NMT2: variants seen among roughly 807,000 people sequenced by gnomAD.
NMT2 encodes N-myristoyltransferase 2.
In NMT2, 35 loss-of-function variants were observed where a neutral mutation model predicts 65.4. That is an observed-to-expected ratio of 0.54 (90% confidence interval 0.41 to 0.71). The LOEUF (loss-of-function observed/expected upper bound fraction) is 0.71, where lower values mean the gene tolerates loss of function less well. NMT2 is among the 30% of genes least tolerant of loss of function. NMT2 has a pLI of 0.00. For missense variants in NMT2, 489 were observed against 611.3 expected (o/e 0.80, Z 2.11); for synonymous variants, 226 against 231.8 (o/e 0.98, Z 0.23).
At chr10:15,141,397 G>A in intron 2 of NMT2, 25 bp downstream of exon 2, 1 of 1,613,070 alleles carries the variant, frequency 6.2e-7, no homozygotes, top group South Asian at 1.1e-5. Flanking sequence ...ACCACACAGA[G>A]GAAAAAATAA....
At position 15,143,126 on chromosome 10, in the gene NMT2, G is replaced by A. The variant is rs559303620; in HGVS notation, c.111-1569C>T. Among the ~76,000 whole-genome samples the A allele has an allele frequency of 1.4e-4, 22 of 152,302 alleles. No individual in the cohort carries two copies. The South Asian group carries it at 4.3e-3, about 30-fold the overall frequency. On this transcript the variant is annotated intron_variant, in intron 1 of 11. Coordinates refer to ENST00000378165, the MANE Select transcript of NMT2 (RefSeq NM_004808.3). ...GGATAAGTCTGGCTCTAGAGGTGGT[G>A]CCATCACATATTCCCAGGCCATAAA...
At chr10:15,139,862 A>AATATAT (rs1166223058) in intron 2 of NMT2, 3 of 73,316 alleles carry the variant, frequency 4.1e-5, no homozygotes, top group African/African-American at 1.4e-4. Flanking sequence ...GGTAACAACT[A>AATATAT]CTATATATAT....
At chr10:15,109,332 T>A in intron 11 of NMT2, 117 bp from the exon 12 acceptor site, 1 of 1,303,160 alleles carries the variant, frequency 7.7e-7, no homozygotes, top group Non-Finnish European at 1.0e-6. Flanking sequence ...CCCGGCACTT[T>A]GGGAGGCCAA....
chr10:15,138,004 C>CTTTTTTT (rs374744946), intron 2 of NMT2, among the ~76,000 whole-genome samples: 135 of 128,098 alleles, frequency 1.1e-3, no homozygotes, highest in Middle Eastern at 4.2e-3. Context: ...TCTTCTTCTT[C>CTTTTTTT]TTTTTTTTTT....
intron 1 of NMT2, among the ~76,000 whole-genome samples, chr10:15,165,809 C>T (rs1464250143): frequency 1.4e-5 from 2 of 146,758 alleles, no homozygotes; most frequent in African/African-American, 2.6e-5. Flanking sequence ...ATCCAGGAGG[C>T]GGAGGTTGCA....
chr10:15,146,785 A>G lies in NMT2; in HGVS notation c.111-5228T>C, dbSNP rs192971365. Among the ~76,000 whole-genome samples, 453 of 152,194 alleles carry G rather than the reference A, an allele frequency of 3.0e-3. 2 individuals carry two copies. Among genetic ancestry groups the G allele is most frequent in the Non-Finnish European group, 4.9e-3 (332 of 67,992 alleles). ...ACAGCAGCCCAGTCTCATACAACTA[A>G]CACATCAATCTTAAGAGTGACATCG... On this transcript the variant is annotated intron_variant, in intron 1 of 11. Coordinates refer to ENST00000378165, the MANE Select transcript of NMT2 (RefSeq NM_004808.3).
In NMT2 at chr10:15,107,072, G is replaced by A. The variant is rs956273567; in HGVS notation, c.*2123C>T. On this transcript the variant is annotated 3_prime_UTR_variant, in exon 12 of 12. Coordinates refer to ENST00000378165, the MANE Select transcript of NMT2 (RefSeq NM_004808.3). ...GCAGTGAGCTGTTGACTGTGCCACT[G>A]TATTCTAGCCTGGACAATAGAGTGA... Among the ~76,000 whole-genome samples, 4 of 145,726 alleles carry A rather than the reference G, an allele frequency of 2.7e-5. No homozygotes were observed. Among genetic ancestry groups the A allele is most frequent in the Admixed American group, 7.1e-5 (1 of 14,110 alleles).
intron 1 of NMT2, among the ~76,000 whole-genome samples, chr10:15,160,575 G>A (rs1330857993): frequency 6.6e-6 from 1 of 151,998 alleles, no homozygotes; most frequent in Non-Finnish European, 1.5e-5. Context: ...AGGAGTTCGA[G>A]ACCAGCCGGC....
intron 9 of NMT2, among the ~76,000 whole-genome samples, chr10:15,116,271 G>A (rs75801662): frequency 3.3e-5 from 5 of 152,044 alleles, no homozygotes; most frequent in Non-Finnish European, 7.4e-5. Flanking sequence ...TCTGTAATAG[G>A]GAGACAACAG....
chr10:15,139,535 C>T (rs747083814), intron 2 of NMT2, among the ~76,000 whole-genome samples: 3 of 151,896 alleles, frequency 2.0e-5, no homozygotes, highest in Non-Finnish European at 4.4e-5. Context: ...TCTGATGAAG[C>T]GACATTTAGA....
chr10:15,114,975 C>CCCCA (rs1845697461), intron 9 of NMT2, among the ~76,000 whole-genome samples: 1 of 151,790 alleles, frequency 6.6e-6, no homozygotes, highest in South Asian at 2.1e-4. Flanking sequence ...GTACTCCAGC[C>CCCCA]TGGGTGACAG....
chr10:15,157,815 A>G (rs543022869), intron 1 of NMT2, among the ~76,000 whole-genome samples: 8 of 152,356 alleles, frequency 5.3e-5, no homozygotes, highest in Middle Eastern at 3.4e-3. Context: ...TTGGTAATCA[A>G]TCTATGACTT....
At chr10:15,141,004 G>T in intron 2 of NMT2, 1 of 1,550,970 alleles carries the variant, frequency 6.4e-7, no homozygotes, top group Non-Finnish European at 8.7e-7. Context: ...TGCTCCCGCT[G>T]AAATCTGCTG....
At chr10:15,146,625 G>A (rs1846973367) in intron 1 of NMT2, among the ~76,000 whole-genome samples, 2 of 152,192 alleles carry the variant, frequency 1.3e-5, no homozygotes, top group Non-Finnish European at 2.9e-5. Flanking sequence ...CCACACGATG[G>A]CGCAGTCTCG....
intron 10 of NMT2, chr10:15,111,585 T>C (rs1845518787): frequency 6.6e-6 from 1 of 151,722 alleles, no homozygotes; most frequent in African/African-American, 2.4e-5. Context: ...TATATTTATG[T>C]AAAATTTTAA....
At chr10:15,126,641 A>G (rs1564567573) in intron 8 of NMT2, among the ~76,000 whole-genome samples, 1 of 152,126 alleles carries the variant, frequency 6.6e-6, no homozygotes, top group Non-Finnish European at 1.5e-5. Flanking sequence ...GCCAGTGAGG[A>G]ACTCAATCCT....
intron 2 of NMT2, chr10:15,141,078 C>G (rs781420108): frequency 6.8e-7 from 1 of 1,476,182 alleles, no homozygotes; most frequent in Admixed American, 2.0e-5. Flanking sequence ...ATGTGAATAT[C>G]TTCTGAACGA....
chr10:15,135,449 A>G, intron 2 of NMT2, 31 bp from the exon 3 acceptor site: 1 of 1,606,370 alleles, frequency 6.2e-7, no homozygotes, highest in East Asian at 2.2e-5. Flanking sequence ...ACAGAATATG[A>G]GAGAGCGGCT....
At chr10:15,167,513 C>T (rs767436349) in intron 1 of NMT2, among the ~76,000 whole-genome samples, 9 of 152,110 alleles carry the variant, frequency 5.9e-5, no homozygotes, top group Non-Finnish European at 1.2e-4. Flanking sequence ...CACCATGGTT[C>T]GAAAAATCTC....
Sources: gnomAD v4.1 joint callset for allele counts (sites outside exome capture counted in the v4.1 genomes callset) on GRCh38, gnomAD v4.1.1 for gene constraint, MANE v1.5 for transcripts, NCBI Gene and HGNC (gene_info 2026-07-23, HGNC 2026-07-21) for gene names.